SRRM1: variants seen among roughly 807,000 people sequenced by gnomAD.
The protein encoded by SRRM1 is serine/arginine repetitive matrix protein 1.
Under a neutral mutation model 110.2 loss-of-function variants are expected in SRRM1, and 19 were observed. The observed-to-expected ratio is 0.17, with a 90% confidence interval of 0.12 to 0.25. The LOEUF is 0.25. Among genes scored for constraint, SRRM1 ranks in the 10% least tolerant of loss-of-function variants. SRRM1 has a pLI of 1.00. For synonymous variants in SRRM1, 443 were observed against 414.9 expected, an observed-to-expected ratio of 1.07 and a Z score of -0.82; for missense variants, 918 against 1,145.8, an observed-to-expected ratio of 0.80 and a Z score of 2.87.
intron 9 of SRRM1, among the ~76,000 whole-genome samples, chr1:24,657,283 C>T (rs1029631126): frequency 6.6e-6 from 1 of 152,198 alleles, no homozygotes; most frequent in African/African-American, 2.4e-5. Context: ...TAACAGTTGT[C>T]ATCAAGAAAC....
rs1330040694 is a variant in SRRM1, at chr1:24,672,958, GTTTTGTTTT to G, written c.*682_*690del. 1 of 151,632 alleles carries G rather than the reference GTTTTGTTTT, an allele frequency of 6.6e-6. No homozygotes were observed. Among genetic ancestry groups the G allele is most frequent in the African/African-American group, 2.4e-5 (1 of 41,326 alleles). 9.4% of individuals were successfully genotyped at this position (151,632 alleles called of 1,614,324 possible). A position where few individuals can be genotyped will look rare whatever the true frequency, so the allele number is the denominator to read the frequency against. On this transcript the variant is annotated 3_prime_UTR_variant, in exon 17 of 17. Transcript: ENST00000323848. Reference sequence around the variant, plus strand: ...ACTGGACTCTCATTCTGTTATTCTGGTTTTGTTTTTTTTGTTTTGTTTTTTTTCTTTTGT... The same window carrying G: ...ACTGGACTCTCATTCTGTTATTCTGGTTTTGTTTTGTTTTTTTTCTTTTGT...
chr1:24,658,294 T>C (rs111332580), intron 9 of SRRM1, among the ~76,000 whole-genome samples: 1 of 149,098 alleles, frequency 6.7e-6, no homozygotes, highest in Admixed American at 6.8e-5. Flanking sequence ...CACTGCAACC[T>C]CTGCCTCCCA....
At chr1:24,664,065 G>A (rs549874896) in intron 12 of SRRM1, among the ~76,000 whole-genome samples, 62 of 143,554 alleles carry the variant, frequency 4.3e-4, no homozygotes, top group African/African-American at 1.6e-3. Flanking sequence ...GTGCGACCTC[G>A]GCTCACTGCA....
intron 1 of SRRM1, 24 bp downstream of exon 1, chr1:24,643,371 G>C (rs1176428558): frequency 6.5e-7 from 1 of 1,547,118 alleles, no homozygotes; most frequent in South Asian, 1.2e-5. Flanking sequence ...CCGGGCGCCG[G>C]GGTGAGGCCA....
rs1487170483 is a variant in SRRM1, at chr1:24,673,191, T to TC, written c.*905_*906insC. ...TTTCACTGTTTTTGTTTTGATTTTT[T>TC]TTTTGTTTTGATTTTTTTTAAACTA... On this transcript the variant is annotated 3_prime_UTR_variant, in exon 17 of 17. Coordinates refer to ENST00000323848, the MANE Select transcript of SRRM1 (RefSeq NM_005839.4). 6.8e-6 allele frequency: 1 copy of TC among 146,298 alleles called. No individual in the cohort carries two copies. The highest frequency in any genetic ancestry group is 1.5e-5 in the Non-Finnish European group (1 of 65,294). The allele number at this position is 146,298 out of a possible 1,614,324, so 9.1% of individuals were successfully genotyped here. A position where few individuals can be genotyped will look rare whatever the true frequency, so the allele number is the denominator to read the frequency against.
intron 9 of SRRM1, among the ~76,000 whole-genome samples, chr1:24,658,531 G>A (rs1447763500): frequency 2.0e-5 from 3 of 152,162 alleles, no homozygotes; most frequent in Admixed American, 2.0e-4. Flanking sequence ...CAACTATCTT[G>A]TAAGCATAAC....
chr1:24,661,064 T>A, intron 10 of SRRM1: 1 of 531,288 alleles, frequency 1.9e-6, no homozygotes, highest in Non-Finnish European at 3.4e-6. Context: ...TAACTGTATC[T>A]GCTTGTAAAA....
chr1:24,646,546 A>G (rs1266479136), intron 2 of SRRM1, 121 bp from the exon 3 acceptor site: 2 of 737,722 alleles, frequency 2.7e-6, no homozygotes, highest in Non-Finnish European at 4.2e-6. Context: ...AAAAATTAGC[A>G]GATTCTACTA....
intron 12 of SRRM1, among the ~76,000 whole-genome samples, chr1:24,665,025 A>G (rs1007528646): frequency 6.6e-6 from 1 of 152,192 alleles, no homozygotes; most frequent in African/African-American, 2.4e-5. Flanking sequence ...TTTAAGTTAT[A>G]TACCAGCAGC....
At chr1:24,670,086 T>C (rs1179601965) in intron 14 of SRRM1, 34 bp from the exon 15 acceptor site, 2 of 1,519,924 alleles carry the variant, frequency 1.3e-6, no homozygotes, top group Non-Finnish European at 1.8e-6. Flanking sequence ...AGATGGCTGT[T>C]CTCAATGCTG....
Position 24,652,468 on chromosome 1 carries a change from C to T in SRRM1, c.760C>T (p.Pro254Ser), listed in dbSNP as rs780878443. 5.6e-6 allele frequency: 9 copies of T among 1,597,790 alleles called. No individual in the cohort carries two copies. In the South Asian group the frequency reaches 7.8e-5, roughly 14 times the overall value. Residue 254 changes from proline to serine, a missense_variant, in exon 7 of 17, where the codon CCA (proline) becomes TCA (serine). By Grantham distance (74) the Pro-to-Ser change is moderately conservative. Coordinates refer to ENST00000323848, the MANE Select transcript of SRRM1 (RefSeq NM_005839.4). ...GAAAGTTCCCAAACCTGAACCTATACCAGAGCCTAAAGAACCTTCTCCGGA... is the reference window on the plus strand; with the variant it reads ...GAAAGTTCCCAAACCTGAACCTATATCAGAGCCTAAAGAACCTTCTCCGGA... ...ILKVPKPEPIPEPKEPSPEKN... is the reference protein window; with the variant it reads ...ILKVPKPEPISEPKEPSPEKN...
intron 1 of SRRM1, 174 bp downstream of exon 1, chr1:24,643,521 G>A: frequency 2.0e-6 from 1 of 511,398 alleles, no homozygotes; most frequent in Non-Finnish European, 3.2e-6. Flanking sequence ...AGACCGGTGC[G>A]CCCCTGCGCA....
intron 12 of SRRM1, chr1:24,663,157 C>A: frequency 6.7e-7 from 1 of 1,501,058 alleles, no homozygotes. Flanking sequence ...GAATTCTTGA[C>A]ATTTGTTTTT....
At position 24,662,689 on chromosome 1, in the gene SRRM1, G is replaced by A. The variant is rs1236734897; in HGVS notation, c.1513G>A (p.Glu505Lys). ...DSGSSSSSEDERPKRSHVKNG... is the reference protein window; with the variant it reads ...DSGSSSSSEDKRPKRSHVKNG... The stretch of plus-strand genomic sequence containing the variant: ...TGGCTCCTCCTCCTCCTCAGAAGAT[G>A]AACGACCCAAGAGATCCCATGTGAA... Residue 505 changes from glutamate to lysine, a missense_variant, in exon 12 of 17, where the codon GAA becomes AAA. Transcript: ENST00000323848. 2 of 1,613,874 alleles carry A rather than the reference G, an allele frequency of 1.2e-6. No homozygotes were observed. The highest frequency in any genetic ancestry group is 2.7e-5 in the African/African-American group (2 of 74,896).
chr1:24,645,870 T>G, intron 1 of SRRM1, 114 bp from the exon 2 acceptor site: 3 of 723,336 alleles, frequency 4.1e-6, no homozygotes, highest in Non-Finnish European at 7.0e-6. Flanking sequence ...CTATGAAAAC[T>G]AGTTTGGTAT....
At chr1:24,670,091 A>G (rs772751960) in intron 14 of SRRM1, 29 bp from the exon 15 acceptor site, 20 of 1,527,644 alleles carry the variant, frequency 1.3e-5, no homozygotes, top group Non-Finnish European at 1.6e-5. Context: ...GCTGTTCTCA[A>G]TGCTGAATGT....
Position 24,672,164 on chromosome 1 carries a change from A to G in SRRM1, c.2611-18A>G. 1 of 1,588,650 alleles carries G rather than the reference A, an allele frequency of 6.3e-7. No homozygotes were observed. Among genetic ancestry groups the G allele is most frequent in the Non-Finnish European group, 8.6e-7 (1 of 1,161,602 alleles). On this transcript the variant is annotated intron_variant, in intron 16 of 16. Coordinates refer to ENST00000323848, the MANE Select transcript of SRRM1 (RefSeq NM_005839.4). ...CCAGGGTCTCAAGACTTAACCGTGT[A>G]AATTCTGTTTTTTTTAGGAGACTGA...
chr1:24,661,855 C>T (rs1667393092), intron 11 of SRRM1, among the ~76,000 whole-genome samples: 1 of 151,880 alleles, frequency 6.6e-6, no homozygotes, highest in Non-Finnish European at 1.5e-5. Context: ...TTTGGGAGGC[C>T]GAGGTGAGCA....
intron 8 of SRRM1, chr1:24,654,447 C>CT: frequency 2.0e-6 from 2 of 1,010,274 alleles, no homozygotes; most frequent in Non-Finnish European, 2.6e-6. Flanking sequence ...TTTTGCACAT[C>CT]TTTTTTAAAA....
Sources: allele counts gnomAD v4.1 joint callset (sites outside exome capture counted in the v4.1 genomes callset), GRCh38; gene constraint gnomAD v4.1.1; transcripts MANE v1.5; gene names NCBI Gene and HGNC (gene_info 2026-07-23, HGNC 2026-07-21).